Variants in NMT1 observed in about 807,000 individuals in gnomAD.
The protein encoded by NMT1 is glycylpeptide N-tetradecanoyltransferase 1.
A neutral mutation model predicts 63.4 loss-of-function variants in NMT1; 12 were observed. The observed-to-expected ratio is 0.19, with a 90% CI of 0.12 to 0.31. The LOEUF (loss-of-function observed/expected upper bound fraction) is 0.31. NMT1 is among the 10% of genes least tolerant of loss of function. The pLI is 1.00. For synonymous variants in NMT1, 228 were observed against 234.3 expected, an observed-to-expected ratio of 0.97 and a Z score of 0.25; for missense variants, 432 against 634.6, an observed-to-expected ratio of 0.68 and a Z score of 3.43.
chr17:45,090,194 G>A (rs745775228), intron 3 of NMT1, among the ~76,000 whole-genome samples: 1 of 152,146 alleles, frequency 6.6e-6, no homozygotes, highest in Non-Finnish European at 1.5e-5. Context: ...TGAGGTGGGA[G>A]GATCGTTTGA....
chr17:45,104,931 A>G lies in NMT1; in HGVS notation c.1405A>G (p.Ile469Val), dbSNP rs774301899. ...KTFLEKLKFG[I>V]GDGNLQYYLY... ...CTTCCTGGAGAAGCTCAAGTTTGGC[A>G]TAGGGGACGGCAACCTGCAGTATTA... Residue 469 changes from isoleucine (I) to valine (V), a missense_variant, in exon 11 of 12, where the codon ATA (isoleucine) becomes GTA (valine). Coordinates refer to ENST00000258960, the MANE Select transcript of NMT1 (RefSeq NM_021079.5). The surrounding 1 kb of genome is among the most constrained non-coding windows in gnomAD (Gnocchi z 4.2). 9.0e-5 allele frequency: 146 copies of G among 1,614,054 alleles called. No individual in the cohort carries two copies. Among genetic ancestry groups the G allele is most frequent in the Non-Finnish European group, 1.1e-4 (132 of 1,180,028 alleles).
intron 1 of NMT1, among the ~76,000 whole-genome samples, chr17:45,070,503 C>T (rs984191635): frequency 2.6e-5 from 4 of 152,262 alleles, no homozygotes; most frequent in South Asian, 2.1e-4. Context: ...CTGCAAGCTG[C>T]GTCTCCCGGG....
chr17:45,071,950 A>G (rs928139671), intron 1 of NMT1, among the ~76,000 whole-genome samples: 4 of 152,150 alleles, frequency 2.6e-5, no homozygotes, highest in Non-Finnish European at 5.9e-5. Context: ...GAGAGAGAAG[A>G]CAATGAATAA....
chr17:45,105,164 TC>T lies in NMT1; in HGVS notation c.1470+172del, dbSNP rs538920422. Among the ~76,000 whole-genome samples, 6 of 152,184 alleles carry T rather than the reference TC, an allele frequency of 3.9e-5. No homozygotes were observed. In the South Asian group the frequency reaches 1.2e-3, roughly 32 times the overall value. On this transcript the variant is annotated intron_variant, in intron 11 of 11. Coordinates refer to ENST00000258960, the MANE Select transcript of NMT1 (RefSeq NM_021079.5). This position sits in a 1 kb window ranked among gnomAD's most constrained non-coding sequence, Gnocchi z 4.2. ...GCTGGCCAGACCAGCAGGTCAGCGT[TC>T]CCCTCTCAGCAACTGGTGTGAGGAT...
intron 3 of NMT1, among the ~76,000 whole-genome samples, chr17:45,090,398 G>GTCGTTCTTTT (rs1555606609): frequency 6.6e-6 from 1 of 151,628 alleles, no homozygotes. Context: ...TCGAGATCAT[G>GTCGTTCTTTT]TCGTTCTTCT....
chr17:45,062,306 A>G (rs957441050), intron 1 of NMT1, among the ~76,000 whole-genome samples: 3 of 152,242 alleles, frequency 2.0e-5, no homozygotes, highest in African/African-American at 4.8e-5. Context: ...GCCACAGCTT[A>G]TTCATCTTTC....
chr17:45,105,167 C>T lies in NMT1; in HGVS notation c.1470+171C>T, dbSNP rs761623189. Reference sequence around the variant, plus strand: ...GGCCAGACCAGCAGGTCAGCGTTCCCCTCTCAGCAACTGGTGTGAGGATGG... The same window carrying T: ...GGCCAGACCAGCAGGTCAGCGTTCCTCTCTCAGCAACTGGTGTGAGGATGG... On this transcript the variant is annotated intron_variant, in intron 11 of 11. Transcript: ENST00000258960. This position sits in a 1 kb window ranked among gnomAD's most constrained non-coding sequence, Gnocchi z 4.2. 2.0e-4 allele frequency among the ~76,000 whole-genome samples: 30 copies of T among 152,276 alleles called. No homozygotes were observed. The highest frequency in any genetic ancestry group is 3.7e-4 in the Non-Finnish European group (25 of 68,022).
At chr17:45,091,133 C>T (rs1272229530) in intron 3 of NMT1, among the ~76,000 whole-genome samples, 2 of 150,500 alleles carry the variant, frequency 1.3e-5, no homozygotes, top group African/African-American at 4.9e-5. Context: ...CTGGCTGATT[C>T]CTAATTATCC....
At chr17:45,066,661 ATGGGTG>A in intron 1 of NMT1, among the ~76,000 whole-genome samples, 1 of 152,064 alleles carries the variant, frequency 6.6e-6, no homozygotes, top group African/African-American at 2.4e-5. Context: ...TGCAGTGTGT[ATGGGTG>A]CGTCTCTTCA....
chr17:45,077,978 T>G (rs1189817974), intron 1 of NMT1, among the ~76,000 whole-genome samples: 1 of 152,142 alleles, frequency 6.6e-6, no homozygotes, highest in Non-Finnish European at 1.5e-5. Context: ...GCCTTCTGGG[T>G]CTCATTAATA....
chr17:45,105,576 C>T lies in NMT1; in HGVS notation c.1471-43C>T, dbSNP rs774875003. ...TAGGGGGTGTGGGAGAGTCTTTGGG[C>T]CACTGTCAACTCAGCTCTGCCTCTC... is the stretch of plus-strand genomic sequence containing the variant. On this transcript the variant is annotated intron_variant, in intron 11 of 11. Transcript: ENST00000258960. This position sits in a 1 kb window ranked among gnomAD's most constrained non-coding sequence, Gnocchi z 4.2. 6.2e-7 allele frequency: 1 copy of T among 1,611,192 alleles called. No homozygotes were observed. The highest frequency in any genetic ancestry group is 1.3e-5 in the African/African-American group (1 of 74,808).
chr17:45,094,476 G>A (rs571202103), intron 4 of NMT1, among the ~76,000 whole-genome samples: 1 of 149,120 alleles, frequency 6.7e-6, no homozygotes, highest in Admixed American at 6.7e-5. Context: ...CCAGGTGACA[G>A]TGCGAGACTC....
At chr17:45,096,151 A>T in intron 4 of NMT1, 43 bp from the exon 5 acceptor site, 1 of 1,483,234 alleles carries the variant, frequency 6.7e-7, no homozygotes, top group Non-Finnish European at 9.4e-7. Context: ...TTGGTCTACT[A>T]CCTGGCAGAA....
chr17:45,077,373 CCT>C (rs1251175335), intron 1 of NMT1, among the ~76,000 whole-genome samples: 1 of 152,006 alleles, frequency 6.6e-6, no homozygotes, highest in Non-Finnish European at 1.5e-5. Context: ...TGCTTTGTCT[CCT>C]AATATCAGCC....
At chr17:45,086,762 G>A in intron 3 of NMT1, 110 bp downstream of exon 3, 1 of 1,166,210 alleles carries the variant, frequency 8.6e-7, no homozygotes, top group Non-Finnish European at 1.2e-6. Context: ...GTAGAGTCCT[G>A]GAGTTCCTTG....
intron 1 of NMT1, among the ~76,000 whole-genome samples, chr17:45,067,185 TGA>T (rs1217659672): frequency 6.6e-6 from 1 of 151,920 alleles, no homozygotes; most frequent in Non-Finnish European, 1.5e-5. Flanking sequence ...TTTTTTTTAA[TGA>T]GAGTCTTTCC....
intron 1 of NMT1, among the ~76,000 whole-genome samples, chr17:45,080,192 C>T (rs1949676679): frequency 6.6e-6 from 1 of 150,662 alleles, no homozygotes; most frequent in Non-Finnish European, 1.5e-5. Context: ...CGGAGTTTCG[C>T]TCTTGTTTCC....
Position 45,105,046 on chromosome 17 carries a change from G to A in NMT1, c.1470+50G>A, listed in dbSNP as rs749602151. 23 of 1,609,614 alleles carry A rather than the reference G, an allele frequency of 1.4e-5. No homozygotes were observed. The East Asian group carries it at 5.1e-4, about 36-fold the overall frequency. On this transcript the variant is annotated intron_variant, in intron 11 of 11. Coordinates refer to ENST00000258960, the MANE Select transcript of NMT1 (RefSeq NM_021079.5). This position sits in a 1 kb window ranked among gnomAD's most constrained non-coding sequence, Gnocchi z 4.2. ...AGGCTGCCCGGCCCAGGGTGTCCAT[G>A]TCTCCAGCAGAAACCGGGCCATGGG... is the stretch of plus-strand genomic sequence containing the variant.
intron 1 of NMT1, among the ~76,000 whole-genome samples, chr17:45,078,836 G>C (rs113123260): frequency 6.6e-6 from 1 of 151,680 alleles, no homozygotes; most frequent in African/African-American, 2.4e-5. Flanking sequence ...CTAATTTTTG[G>C]ATTTGTGTTA....
Sources: gnomAD v4.1 joint callset for allele counts (sites outside exome capture counted in the v4.1 genomes callset) on GRCh38, gnomAD v4.1.1 for gene constraint, Gnocchi (gnomAD v3.1) non-coding constraint, MANE v1.5 for transcripts, NCBI Gene and HGNC (gene_info 2026-07-23, HGNC 2026-07-21) for gene names.